STEAP3: variants seen among roughly 807,000 people sequenced by gnomAD.
STEAP3 encodes the protein metalloreductase STEAP3.
STEAP3 carries 35 observed loss-of-function variants against 34.9 expected under a neutral mutation model. That is an observed-to-expected ratio of 1.00 (90% confidence interval 0.76 to 1.33). The LOEUF is 1.33. Ranked by LOEUF, STEAP3 falls within the 40% of genes most tolerant of loss-of-function variation. The pLI, the probability that STEAP3 is intolerant of heterozygous loss-of-function variation, is 0.00. For missense variants in STEAP3, 652 were observed against 667.6 expected (o/e 0.98, Z 0.26); for synonymous variants, 281 against 301.6 (o/e 0.93, Z 0.71).
At chr2:119,234,208 G>C (rs1007096009) in intron 2 of STEAP3, among the ~76,000 whole-genome samples, 2 of 152,196 alleles carry the variant, frequency 1.3e-5, no homozygotes, top group Admixed American at 1.3e-4. Flanking sequence ...CCAGGAGCAG[G>C]GATGAGGCCC....
intron 5 of STEAP3, 148 bp from the exon 6 acceptor site, chr2:119,262,909 A>C: frequency 3.0e-6 from 3 of 991,508 alleles, no homozygotes; most frequent in Non-Finnish European, 4.5e-6. Flanking sequence ...TCACACTAAG[A>C]GAGTGACAGG....
intron 1 of STEAP3, among the ~76,000 whole-genome samples, chr2:119,227,517 C>T (rs1384659309): frequency 1.3e-5 from 2 of 152,226 alleles, no homozygotes; most frequent in Non-Finnish European, 2.9e-5. Flanking sequence ...CAAGTGAGCA[C>T]TGATTGTTCC....
intron 5 of STEAP3, among the ~76,000 whole-genome samples, chr2:119,262,133 C>T (rs966454265): frequency 6.6e-6 from 1 of 152,132 alleles, no homozygotes; most frequent in African/African-American, 2.4e-5. Flanking sequence ...CCGTGAGTCC[C>T]CTTCGCTACT....
intron 1 of STEAP3, among the ~76,000 whole-genome samples, chr2:119,230,120 C>T (rs901744826): frequency 5.9e-5 from 9 of 152,178 alleles, no homozygotes; most frequent in Non-Finnish European, 1.2e-4. Context: ...ATTCCAAGAT[C>T]GCTAGGTTCC....
In STEAP3 at chr2:119,263,534, T is replaced by A. The variant is rs1678013788; in HGVS notation, c.*196T>A. ...ACATATGTGTATATGTATTTACATA[T>A]ATTCCACATATATAACAGGATTTGC... is the stretch of plus-strand genomic sequence containing the variant. On this transcript the variant is annotated 3_prime_UTR_variant, in exon 6 of 6. Coordinates refer to ENST00000393110, the MANE Select transcript of STEAP3 (RefSeq NM_182915.3). The A allele has an allele frequency of 1.4e-6, 1 of 726,744 alleles. No homozygotes were observed. Among genetic ancestry groups the A allele is most frequent in the Admixed American group, 2.6e-5 (1 of 38,894 alleles). 45.0% of individuals were successfully genotyped at this position (726,744 alleles called of 1,614,324 possible).
At chr2:119,262,923 G>A in intron 5 of STEAP3, 134 bp from the exon 6 acceptor site, 1 of 1,154,656 alleles carries the variant, frequency 8.7e-7, no homozygotes. Flanking sequence ...TGACAGGACT[G>A]GGGTTCCAAC....
Position 119,263,104 on chromosome 2 carries a change from C to T in STEAP3, c.1263C>T (p.Leu421=). 2 of 1,611,704 alleles carry T rather than the reference C, an allele frequency of 1.2e-6. No individual in the cohort carries two copies. The highest frequency in any genetic ancestry group is 1.7e-6 in the Non-Finnish European group (2 of 1,180,032). Reference sequence around the variant, plus strand: ...TCGTGCTGAGCACACTGCACACGCTCACCTACGGCTGGACCCGCGCCTTCG... The same window carrying T: ...TCGTGCTGAGCACACTGCACACGCTTACCTACGGCTGGACCCGCGCCTTCG... The part of the protein sequence containing the change: ...VALVLSTLHT[L]TYGWTRAFEE... The change falls in exon 6 of 6, where the codon CTC becomes CTT. Residue 421 remains leucine (L), a synonymous_variant. Coordinates refer to ENST00000393110, the MANE Select transcript of STEAP3 (RefSeq NM_182915.3).
At chr2:119,235,001 TGGCA>T (rs982175161) in intron 2 of STEAP3, among the ~76,000 whole-genome samples, 3 of 152,234 alleles carry the variant, frequency 2.0e-5, no homozygotes, top group Non-Finnish European at 4.4e-5. Context: ...GATTCCTGGA[TGGCA>T]GGCAGGCCAT....
intron 1 of STEAP3, among the ~76,000 whole-genome samples, chr2:119,227,901 C>G (rs1418676243): frequency 6.6e-6 from 1 of 152,056 alleles, no homozygotes; most frequent in Non-Finnish European, 1.5e-5. Context: ...GCCATCTTGG[C>G]TCACTGCAAC....
intron 2 of STEAP3, 85 bp downstream of exon 2, chr2:119,231,119 C>T: frequency 6.3e-7 from 1 of 1,578,566 alleles, no homozygotes; most frequent in South Asian, 1.1e-5. Flanking sequence ...CTGACCCCTG[C>T]CCTGCTGGAG....
rs367654397 is a variant in STEAP3, at chr2:119,246,015, C to T, written c.522+27C>T. 129 of 1,587,578 alleles carry T rather than the reference C, an allele frequency of 8.1e-5. No homozygotes were observed. The Middle Eastern group carries it at 8.4e-4, about 10-fold the overall frequency. Reference sequence around the variant, plus strand: ...TAGGTTCTGGGGGAATAATACCCATCGTAACAATAAATATAAATGGCTAAT... The same window carrying T: ...TAGGTTCTGGGGGAATAATACCCATTGTAACAATAAATATAAATGGCTAAT... On this transcript the variant is annotated intron_variant, in intron 3 of 5. Coordinates refer to ENST00000393110, the MANE Select transcript of STEAP3 (RefSeq NM_182915.3).
At position 119,254,796 on chromosome 2, in the gene STEAP3, C is replaced by T; in HGVS notation, c.1163C>T (p.Ser388Leu). ...LGTLSLLAVT[S>L]LPSIANSLNW... Reference sequence around the variant, plus strand: ...ACGTTGTCCCTGCTGGCCGTGACCTCACTGCCGTCCATTGCAAACTCGCTC... The same window carrying T: ...ACGTTGTCCCTGCTGGCCGTGACCTTACTGCCGTCCATTGCAAACTCGCTC... The change falls in exon 5 of 6, where the codon TCA becomes TTA. Residue 388 changes from serine (S) to leucine (L), a missense_variant. Transcript: ENST00000393110. 4 of 1,614,184 alleles carry T rather than the reference C, an allele frequency of 2.5e-6. No individual in the cohort carries two copies. The highest frequency in any genetic ancestry group is 3.4e-6 in the Non-Finnish European group (4 of 1,180,034).
chr2:119,244,436 C>G (rs1677347230), intron 2 of STEAP3: 1 of 151,422 alleles, frequency 6.6e-6, no homozygotes, highest in Non-Finnish European at 1.5e-5. Context: ...ATGGGACCTC[C>G]CTGTGTGGCC....
At chr2:119,236,083 C>T (rs1343857125) in intron 2 of STEAP3, among the ~76,000 whole-genome samples, 1 of 152,182 alleles carries the variant, frequency 6.6e-6, no homozygotes, top group Non-Finnish European at 1.5e-5. Context: ...ACCTCCAGGC[C>T]ATTATCTTAG....
chr2:119,235,931 G>A (rs1558744466), intron 2 of STEAP3, among the ~76,000 whole-genome samples: 1 of 152,190 alleles, frequency 6.6e-6, no homozygotes, highest in African/African-American at 2.4e-5. Context: ...CACCAGGGCT[G>A]TGGCCCTGAG....
intron 4 of STEAP3, among the ~76,000 whole-genome samples, chr2:119,250,821 G>A (rs565746383): frequency 5.9e-5 from 9 of 152,210 alleles, no homozygotes; most frequent in South Asian, 4.1e-4. Context: ...AATTTTCCCC[G>A]TGTCCCAAAA....
intron 5 of STEAP3, chr2:119,257,870 TC>T: frequency 2.9e-6 from 1 of 343,096 alleles, no homozygotes; most frequent in Non-Finnish European, 4.1e-6. Context: ...AGGGTCCCGA[TC>T]CAGACCCCAA....
intron 4 of STEAP3, chr2:119,248,423 C>T (rs560789497): frequency 1.0e-5 from 6 of 591,670 alleles, no homozygotes; most frequent in African/African-American, 9.3e-5. Context: ...CCCATGGGTA[C>T]AGCCCAGTTG....
chr2:119,255,378 A>G (rs1677745871), intron 5 of STEAP3, among the ~76,000 whole-genome samples: 1 of 152,114 alleles, frequency 6.6e-6, no homozygotes, highest in African/African-American at 2.4e-5. Flanking sequence ...GATGCGACAC[A>G]GCTTTTTCCC....
Sources: allele counts gnomAD v4.1 joint callset (sites outside exome capture counted in the v4.1 genomes callset), GRCh38; gene constraint gnomAD v4.1.1; transcripts MANE v1.5; gene names NCBI Gene and HGNC (gene_info 2026-07-23, HGNC 2026-07-21).